Variants in SLC6A4 observed in about 807,000 individuals in gnomAD.
SLC6A4 encodes the protein sodium-dependent serotonin transporter.
Under a neutral mutation model 73.4 loss-of-function variants are expected in SLC6A4, and 22 were observed. That is an observed-to-expected ratio of 0.30 (90% CI 0.21 to 0.43). SLC6A4 has a LOEUF of 0.43. Ranked by LOEUF, SLC6A4 falls within the 20% of genes least tolerant of loss-of-function variation. The pLI is 1.00. For synonymous variants in SLC6A4, 270 were observed against 315.5 expected (o/e 0.86, Z 1.53); for missense variants, 593 against 808.5 (o/e 0.73, Z 3.23).
chr17:30,216,621 C>A (rs1441225248), intron 6 of SLC6A4, among the ~76,000 whole-genome samples: 1 of 151,674 alleles, frequency 6.6e-6, no homozygotes, highest in Non-Finnish European at 1.5e-5. Flanking sequence ...AAAAAAAAAT[C>A]ATGTAATGGT....
Position 30,207,718 on chromosome 17 carries a change from A to C in SLC6A4, c.1650+14T>G. ...TTCGCCAGGGCAAGGAGGAGAAGGG[A>C]AATGGCAACTCACCAGGAGAAACAG... On this transcript the variant is annotated intron_variant, in intron 13 of 14. Transcript: ENST00000650711. 6.4e-7 allele frequency: 1 copy of C among 1,562,708 alleles called. No homozygotes were observed.
At position 30,211,296 on chromosome 17, in the gene SLC6A4, C is replaced by A. The variant is rs1359400526; in HGVS notation, c.1317+16G>T. ...TTCATCCTCCCACAGCCCATTTCCC[C>A]TTCCCATTTCCTCACCGTGCTGTCC... On this transcript the variant is annotated intron_variant, in intron 10 of 14. Transcript: ENST00000650711. This position sits in a 1 kb window ranked among gnomAD's most constrained non-coding sequence, Gnocchi z 4.0. 5.3e-6 allele frequency: 8 copies of A among 1,511,212 alleles called. No individual in the cohort carries two copies. Among genetic ancestry groups the A allele is most frequent in the Non-Finnish European group, 7.4e-6 (8 of 1,087,972 alleles). The allele number at this position is 1,511,212 out of a possible 1,614,324, so 93.6% of individuals were successfully genotyped here.
intron 1 of SLC6A4, among the ~76,000 whole-genome samples, chr17:30,224,786 C>T (rs1357539994): frequency 6.6e-6 from 1 of 152,146 alleles, no homozygotes; most frequent in Non-Finnish European, 1.5e-5. Context: ...TTCCTTGAGG[C>T]GTCCTGCAGA....
chr17:30,195,970 C>G lies in SLC6A4; in HGVS notation c.*2486G>C, dbSNP rs1370139047. The G allele has an allele frequency of 6.6e-6, 1 of 151,894 alleles. No homozygotes were observed. The highest frequency in any genetic ancestry group is 1.5e-5 in the Non-Finnish European group (1 of 68,000). The allele number at this position is 151,894 out of a possible 1,614,324, so 9.4% of individuals were successfully genotyped here. A position where few individuals can be genotyped will look rare whatever the true frequency, so the allele number is the denominator to read the frequency against. On this transcript the variant is annotated 3_prime_UTR_variant, in exon 15 of 15. Transcript: ENST00000650711. ...TAGCAGGAATTATAGGCGCCTGCCA[C>G]CACATTCAGCTAATTTTCTGTATTT...
At chr17:30,200,269 C>T (rs1567814396) in intron 14 of SLC6A4, among the ~76,000 whole-genome samples, 1 of 152,230 alleles carries the variant, frequency 6.6e-6, no homozygotes, top group Non-Finnish European at 1.5e-5. Context: ...CCGTGCTTTG[C>T]CAGCATTCTA....
At chr17:30,223,954 ATAT>A (rs1486763362) in intron 1 of SLC6A4, among the ~76,000 whole-genome samples, 6 of 152,054 alleles carry the variant, frequency 3.9e-5, no homozygotes, top group African/African-American at 1.5e-4. Context: ...AGGCCAAGGG[ATAT>A]TATTATTTTA....
rs182329082 is a variant in SLC6A4 at position 30,197,183 on chromosome 17, C to T, written c.*1273G>A. On this transcript the variant is annotated 3_prime_UTR_variant, in exon 15 of 15. Transcript: ENST00000650711. ...AAATTTACTTATCTATATTAAGGGC[C>T]TTATGTGAAATGAAAGGTGATTTAC... is the stretch of plus-strand genomic sequence containing the variant. The T allele has an allele frequency of 7.9e-5, 12 of 152,364 alleles. No individual in the cohort carries two copies. Among genetic ancestry groups the T allele is most frequent in the Admixed American group, 7.9e-4 (12 of 15,286 alleles). The allele number at this position is 152,364 out of a possible 1,614,324, so 9.4% of individuals were successfully genotyped here.
At position 30,207,712 on chromosome 17, in the gene SLC6A4, G is replaced by A; in HGVS notation, c.1650+20C>T. On this transcript the variant is annotated intron_variant, in intron 13 of 14. Coordinates refer to ENST00000650711, the MANE Select transcript of SLC6A4 (RefSeq NM_001045.6). ...AAGTCTTTCGCCAGGGCAAGGAGGA[G>A]AAGGGAAATGGCAACTCACCAGGAG... The A allele has an allele frequency of 6.6e-7, 1 of 1,523,296 alleles. No homozygotes were observed. The highest frequency in any genetic ancestry group is 9.1e-7 in the Non-Finnish European group (1 of 1,096,974). 94.4% of individuals were successfully genotyped at this position (1,523,296 alleles called of 1,614,324 possible).
chr17:30,208,220 G>C (rs1006589595), intron 12 of SLC6A4, among the ~76,000 whole-genome samples: 1 of 152,152 alleles, frequency 6.6e-6, no homozygotes, highest in South Asian at 2.1e-4. Context: ...CCTGAGAGCT[G>C]AGTGTGTATC....
chr17:30,215,023 TTTTCTTTCTTTC>T (rs779810850), intron 8 of SLC6A4, among the ~76,000 whole-genome samples: 1 of 29,394 alleles, frequency 3.4e-5, no homozygotes, highest in South Asian at 1.2e-3. Flanking sequence ...TTTCTTTCTT[TTTTCTTTCTTTC>T]TTTCTTTCTT....
chr17:30,208,134 G>A lies in SLC6A4; in HGVS notation c.1550-302C>T, dbSNP rs376519799. On this transcript the variant is annotated intron_variant, in intron 12 of 14. Coordinates refer to ENST00000650711, the MANE Select transcript of SLC6A4 (RefSeq NM_001045.6). ...GGGAGGACGGATGGGCATCTGGAAGGATGGATGGACATTTGGGAGGATGGA... is the reference window on the plus strand; with the variant it reads ...GGGAGGACGGATGGGCATCTGGAAGAATGGATGGACATTTGGGAGGATGGA... 3.5e-4 allele frequency among the ~76,000 whole-genome samples: 54 copies of A among 152,280 alleles called. 1 individual carries two copies. The highest frequency in any genetic ancestry group is 1.9e-3 in the East Asian group (10 of 5,188).
chr17:30,214,710 G>A (rs1349206857), intron 8 of SLC6A4, among the ~76,000 whole-genome samples: 1 of 141,824 alleles, frequency 7.1e-6, no homozygotes, highest in African/African-American at 2.6e-5. Flanking sequence ...TCGGCTCACC[G>A]CAAACTCCAC....
At chr17:30,213,863 C>T (rs184679940) in intron 8 of SLC6A4, among the ~76,000 whole-genome samples, 2 of 152,220 alleles carry the variant, frequency 1.3e-5, no homozygotes, top group African/African-American at 4.8e-5. Flanking sequence ...CCTCCTGCTT[C>T]AGCCTCCTGA....
At chr17:30,229,343 T>C (rs1419483104) in intron 1 of SLC6A4, among the ~76,000 whole-genome samples, 4 of 151,932 alleles carry the variant, frequency 2.6e-5, no homozygotes, top group Non-Finnish European at 5.9e-5. Context: ...AACTAAAACA[T>C]CTGAAACGAA....
intron 1 of SLC6A4, among the ~76,000 whole-genome samples, chr17:30,231,725 T>C (rs901899106): frequency 3.9e-5 from 6 of 152,244 alleles, no homozygotes; most frequent in Non-Finnish European, 7.3e-5. Context: ...CCTCAGCCAG[T>C]GCTGGGAAAC....
chr17:30,223,209 T>C (rs1906825999), intron 1 of SLC6A4, among the ~76,000 whole-genome samples: 1 of 152,244 alleles, frequency 6.6e-6, no homozygotes, highest in Non-Finnish European at 1.5e-5. Flanking sequence ...TTCAAACTCT[T>C]GAAACAGTTT....
At chr17:30,199,687 C>G (rs1905970656) in intron 14 of SLC6A4, among the ~76,000 whole-genome samples, 1 of 152,112 alleles carries the variant, frequency 6.6e-6, no homozygotes, top group South Asian at 2.1e-4. Flanking sequence ...AACTTTCACA[C>G]TAGAAATCCG....
chr17:30,215,522 G>A (rs1906544781), intron 8 of SLC6A4, 89 bp downstream of exon 8: 5 of 1,074,628 alleles, frequency 4.7e-6, no homozygotes, highest in South Asian at 2.5e-5. Flanking sequence ...GGCCAGATTC[G>A]AGGCCGTCGG....
chr17:30,229,553 G>T (rs1398124018), intron 1 of SLC6A4, among the ~76,000 whole-genome samples: 1 of 152,074 alleles, frequency 6.6e-6, no homozygotes, highest in Non-Finnish European at 1.5e-5. Flanking sequence ...AGGCACTTTT[G>T]AGGTCTTTAG....
Sources: gnomAD v4.1 joint callset for allele counts (sites outside exome capture counted in the v4.1 genomes callset) on GRCh38, gnomAD v4.1.1 for gene constraint, Gnocchi (gnomAD v3.1) non-coding constraint, MANE v1.5 for transcripts, NCBI Gene and HGNC (gene_info 2026-07-23, HGNC 2026-07-21) for gene names.